CD86: variants seen among roughly 807,000 people sequenced by gnomAD.
CD86 encodes the protein CD86 molecule, also known as T-lymphocyte activation antigen CD86.
CD86 carries 11 observed loss-of-function variants against 32.1 expected under a neutral mutation model. The observed-to-expected ratio is 0.34, with a 90% confidence interval of 0.22 to 0.57. The LOEUF (loss-of-function observed/expected upper bound fraction) is 0.57, where lower values mean the gene tolerates loss of function less well. Among genes scored for constraint, CD86 ranks in the 20% least tolerant of loss-of-function variants. CD86 has a pLI of 0.86. For synonymous variants in CD86, 137 were observed against 135.3 expected, an observed-to-expected ratio of 1.01 and a Z score of -0.09; for missense variants, 359 against 398.4, an observed-to-expected ratio of 0.90 and a Z score of 0.84.
At chr3:122,096,381 A>G (rs2072908326) in intron 2 of CD86, among the ~76,000 whole-genome samples, 1 of 152,000 alleles carries the variant, frequency 6.6e-6, no homozygotes, top group Non-Finnish European at 1.5e-5. Context: ...TATGTTTTAT[A>G]ATTTCTTGTA....
intron 1 of CD86, among the ~76,000 whole-genome samples, chr3:122,063,185 C>G (rs2072363724): frequency 6.6e-6 from 1 of 152,080 alleles, no homozygotes; most frequent in African/African-American, 2.4e-5. Flanking sequence ...TTTAAGTTTG[C>G]TTTTCATTTA....
At chr3:122,109,517 G>A (rs2073141503) in intron 5 of CD86, 109 bp downstream of exon 5, 1 of 1,260,942 alleles carries the variant, frequency 7.9e-7, no homozygotes, top group East Asian at 2.3e-5. Context: ...AAAAAGTCAG[G>A]AAGTTGTTGG....
At chr3:122,080,296 G>GA (rs569546411) in intron 1 of CD86, among the ~76,000 whole-genome samples, 1 of 151,666 alleles carries the variant, frequency 6.6e-6, no homozygotes, top group Middle Eastern at 3.4e-3. Context: ...TGGCAAAAAG[G>GA]AAAAAAAATC....
intron 4 of CD86, among the ~76,000 whole-genome samples, chr3:122,107,942 T>C (rs1029582914): frequency 6.6e-6 from 1 of 152,230 alleles, no homozygotes; most frequent in Non-Finnish European, 1.5e-5. Flanking sequence ...CTGTATCCTC[T>C]CTTGGCCAGA....
chr3:122,106,544 C>T (rs1287908302), intron 4 of CD86, 44 bp downstream of exon 4: 1 of 1,499,560 alleles, frequency 6.7e-7, no homozygotes, highest in African/African-American at 1.4e-5. Context: ...AGGTATTATA[C>T]ACAAATGCTT....
At chr3:122,078,763 G>A (rs895649034) in intron 1 of CD86, among the ~76,000 whole-genome samples, 1 of 152,212 alleles carries the variant, frequency 6.6e-6, no homozygotes, top group African/African-American at 2.4e-5. Flanking sequence ...GTTCTGGAGA[G>A]CCAGGTGAAA....
At chr3:122,064,946 G>T (rs1363511727) in intron 1 of CD86, among the ~76,000 whole-genome samples, 1 of 152,146 alleles carries the variant, frequency 6.6e-6, no homozygotes, top group East Asian at 1.9e-4. Flanking sequence ...ATCCTGTTTA[G>T]AAGCTTCTAT....
chr3:122,084,584 G>T (rs535717787), intron 1 of CD86, among the ~76,000 whole-genome samples: 8 of 152,224 alleles, frequency 5.3e-5, no homozygotes, highest in African/African-American at 1.7e-4. Flanking sequence ...TGGTGGCTTG[G>T]CAGGGATAGG....
chr3:122,106,424 T>C lies in CD86; in HGVS notation c.627T>C (p.Asp209=), dbSNP rs988822953. 34 of 1,614,114 alleles carry C rather than the reference T, an allele frequency of 2.1e-5. No homozygotes were observed. The highest frequency in any genetic ancestry group is 2.9e-5 in the Non-Finnish European group (34 of 1,179,954). ...TCAGCTTGTCTGTTTCATTCCCTGA[T>C]GTTACGAGCAATATGACCATCTTCT... is the stretch of plus-strand genomic sequence containing the variant. ...VSISLSVSFP[D]VTSNMTIFCI... The change falls in exon 4 of 7, where the codon GAT becomes GAC. Residue 209 remains aspartate (D), a synonymous_variant. Coordinates refer to ENST00000330540, the MANE Select transcript of CD86 (RefSeq NM_175862.5).
chr3:122,100,733 C>T (rs764095320), intron 2 of CD86, among the ~76,000 whole-genome samples: 2 of 152,094 alleles, frequency 1.3e-5, no homozygotes, highest in Non-Finnish European at 2.9e-5. Flanking sequence ...CAGCTGATTA[C>T]GAAGGCATCT....
chr3:122,071,084 T>C (rs1414261647), intron 1 of CD86, among the ~76,000 whole-genome samples: 4 of 152,350 alleles, frequency 2.6e-5, no homozygotes, highest in Non-Finnish European at 5.9e-5. Context: ...CTTGCATTAG[T>C]GTGATGTATT....
Position 122,103,502 on chromosome 3 carries a change from T to G in CD86, c.65-10T>G. The G allele has an allele frequency of 6.3e-7, 1 of 1,591,928 alleles. No homozygotes were observed. The highest frequency in any genetic ancestry group is 8.6e-7 in the Non-Finnish European group (1 of 1,168,500). On this transcript the variant is annotated splice_polypyrimidine_tract_variant and intron_variant, in intron 2 of 6. Coordinates refer to ENST00000330540, the MANE Select transcript of CD86 (RefSeq NM_175862.5). Reference sequence around the variant, plus strand: ...TTTCTCCCTCCCTAATCCTTAACCTTCTTTTTTAGGTGCTGCTCCTCTGAA... The same window carrying G: ...TTTCTCCCTCCCTAATCCTTAACCTGCTTTTTTAGGTGCTGCTCCTCTGAA...
intron 6 of CD86, among the ~76,000 whole-genome samples, 174 bp downstream of exon 6, chr3:122,118,267 G>T (rs2073287385): frequency 6.6e-6 from 1 of 152,196 alleles, no homozygotes; most frequent in South Asian, 2.1e-4. Context: ...GATAATGGAT[G>T]ACAGGGTATC....
intron 1 of CD86, among the ~76,000 whole-genome samples, chr3:122,062,579 G>A (rs17203397): frequency 0.49 from 73,862 of 152,000 alleles, 19,661 homozygotes; most frequent in Admixed American, 0.65. Context: ...GAGCATGAAG[G>A]TAGCTGTTTC....
At chr3:122,067,450 G>A (rs1407919538) in intron 1 of CD86, among the ~76,000 whole-genome samples, 1 of 152,190 alleles carries the variant, frequency 6.6e-6, no homozygotes, top group Non-Finnish European at 1.5e-5. Flanking sequence ...TAAAATCCAA[G>A]GTATGAAAAT....
chr3:122,099,127 T>C (rs1217744497), intron 2 of CD86, among the ~76,000 whole-genome samples: 6 of 152,150 alleles, frequency 3.9e-5, no homozygotes, highest in Admixed American at 3.9e-4. Context: ...ACCAAGAACA[T>C]GCACTCAAGG....
At chr3:122,104,558 A>T (rs2073062044) in intron 3 of CD86, among the ~76,000 whole-genome samples, 1 of 152,176 alleles carries the variant, frequency 6.6e-6, no homozygotes, top group Non-Finnish European at 1.5e-5. Context: ...CCGCCACAGG[A>T]CATAGAGCAT....
At chr3:122,072,486 G>A (rs1275701582) in intron 1 of CD86, among the ~76,000 whole-genome samples, 3 of 151,364 alleles carry the variant, frequency 2.0e-5, no homozygotes, top group African/African-American at 2.4e-5. Flanking sequence ...GCCAGTGATG[G>A]TGAGCATTTT....
At chr3:122,114,874 C>T (rs959251042) in intron 5 of CD86, among the ~76,000 whole-genome samples, 1 of 152,152 alleles carries the variant, frequency 6.6e-6, no homozygotes, top group African/African-American at 2.4e-5. Context: ...CTTCCTCAAC[C>T]TGACAAAGGA....
Sources: gnomAD v4.1 joint callset for allele counts (sites outside exome capture counted in the v4.1 genomes callset) on GRCh38, gnomAD v4.1.1 for gene constraint, MANE v1.5 for transcripts, NCBI Gene and HGNC (gene_info 2026-07-23, HGNC 2026-07-21) for gene names.